Variants in ZNF236 observed in about 807,000 individuals in gnomAD.
ZNF236 encodes regulated by glucose.
In ZNF236, 50 loss-of-function variants were observed where a neutral mutation model predicts 191.2. The ratio of observed to expected loss-of-function variants is 0.26; its 90% CI spans 0.21 to 0.33. The LOEUF (loss-of-function observed/expected upper bound fraction) is 0.33, where lower values mean the gene tolerates loss of function less well. Ranked by LOEUF, ZNF236 falls within the 10% of genes least tolerant of loss-of-function variation. The pLI, the probability that ZNF236 is intolerant of heterozygous loss-of-function variation, is 1.00. For synonymous variants in ZNF236, 907 were observed against 928.8 expected (o/e 0.98, Z 0.43); for missense variants, 1,754 against 2,374.5 (o/e 0.74, Z 5.43).
intron 9 of ZNF236, among the ~76,000 whole-genome samples, chr18:76,882,919 G>A (rs973372784): frequency 1.3e-5 from 2 of 152,334 alleles, no homozygotes; most frequent in Admixed American, 1.3e-4. Context: ...TATTACCTCT[G>A]TGCGAGTGCC....
intron 19 of ZNF236, among the ~76,000 whole-genome samples, chr18:76,918,210 A>G (rs1188420942): frequency 6.6e-6 from 1 of 151,736 alleles, no homozygotes; most frequent in Non-Finnish European, 1.5e-5. Flanking sequence ...ATGCGTCCTT[A>G]TTTTTCATTT....
intron 28 of ZNF236, among the ~76,000 whole-genome samples, chr18:76,958,611 AC>A (rs1968583203): frequency 6.6e-6 from 1 of 152,200 alleles, no homozygotes; most frequent in South Asian, 2.1e-4. Flanking sequence ...GACCGCAGTT[AC>A]ATCCAACACA....
chr18:76,864,499 C>T (rs1438588540), intron 3 of ZNF236, among the ~76,000 whole-genome samples: 1 of 152,028 alleles, frequency 6.6e-6, no homozygotes, highest in Non-Finnish European at 1.5e-5. Context: ...CGCACCTGGC[C>T]AACAAATATT....
At position 76,875,770 on chromosome 18, in the gene ZNF236, A is replaced by T; in HGVS notation, c.840+106A>T. ...TTCTTTTCCATTTAAAAAAATGCAG[A>T]TTGATTTTGTGCCGAGCAGACCCTG... On this transcript the variant is annotated intron_variant, in intron 6 of 30. Transcript: ENST00000320610. This position sits in a 1 kb window ranked among gnomAD's most constrained non-coding sequence, Gnocchi z 4.3. 8.1e-7 allele frequency: 1 copy of T among 1,231,034 alleles called. No homozygotes were observed. The highest frequency in any genetic ancestry group is 1.0e-6 in the Non-Finnish European group (1 of 954,266). 76.3% of individuals were successfully genotyped at this position (1,231,034 alleles called of 1,614,324 possible). A position where few individuals can be genotyped will look rare whatever the true frequency, so the allele number is the denominator to read the frequency against.
At chr18:76,876,927 A>G (rs924667357) in intron 6 of ZNF236, among the ~76,000 whole-genome samples, 4 of 152,186 alleles carry the variant, frequency 2.6e-5, no homozygotes, top group Non-Finnish European at 1.5e-5. Context: ...TCGGACCTGC[A>G]CTAGAATGGG....
At chr18:76,908,838 C>T (rs914599301) in intron 14 of ZNF236, among the ~76,000 whole-genome samples, 3 of 152,014 alleles carry the variant, frequency 2.0e-5, no homozygotes, top group Admixed American at 6.6e-5. Flanking sequence ...AGGAAATATT[C>T]GAAATCTTGT....
rs779433218 is a variant in ZNF236, at chr18:76,919,229, G to A, written c.3275-547G>A. Among the ~76,000 whole-genome samples the A allele has an allele frequency of 6.6e-5, 10 of 152,088 alleles. No individual in the cohort carries two copies. The highest frequency in any genetic ancestry group is 9.7e-5 in the African/African-American group (4 of 41,410). Reference sequence around the variant, plus strand: ...GTAGAAGCAGGTCTTTAATCTGAGCGTCTTCCTAATGTTGGTCATCACTCT... The same window carrying A: ...GTAGAAGCAGGTCTTTAATCTGAGCATCTTCCTAATGTTGGTCATCACTCT... On this transcript the variant is annotated intron_variant, in intron 19 of 30. Transcript: ENST00000320610. The surrounding 1 kb of genome is among the most constrained non-coding windows in gnomAD (Gnocchi z 5.3).
Position 76,960,087 on chromosome 18 carries a change from C to T in ZNF236, c.5242+271C>T, listed in dbSNP as rs193089789. ...CGTGTCTGGGATGTTGACCATGTCA[C>T]GTCCCTCCTTCCCTTCTGCTGGAGC... On this transcript the variant is annotated intron_variant, in intron 29 of 30. Coordinates refer to ENST00000320610, the MANE Select transcript of ZNF236 (RefSeq NM_001306089.2). The surrounding 1 kb of genome is among the most constrained non-coding windows in gnomAD (Gnocchi z 4.4). 3.4e-3 allele frequency among the ~76,000 whole-genome samples: 519 copies of T among 152,308 alleles called. 1 individual carries two copies. Among genetic ancestry groups the T allele is most frequent in the Admixed American group, 7.1e-3 (109 of 15,306 alleles).
intron 1 of ZNF236, among the ~76,000 whole-genome samples, chr18:76,836,968 C>T (rs1975348242): frequency 6.6e-6 from 1 of 152,000 alleles, no homozygotes; most frequent in African/African-American, 2.4e-5. Flanking sequence ...CTTTGACTTC[C>T]AGGTTCAAGC....
intron 17 of ZNF236, 59 bp downstream of exon 17, chr18:76,912,406 G>A (rs1356541574): frequency 2.3e-6 from 3 of 1,310,370 alleles, no homozygotes; most frequent in Non-Finnish European, 3.3e-6. Flanking sequence ...GGATGCTGCT[G>A]TGTGTTTGCC....
intron 25 of ZNF236, among the ~76,000 whole-genome samples, chr18:76,935,332 G>A (rs1967962834): frequency 6.6e-6 from 1 of 152,202 alleles, no homozygotes; most frequent in Admixed American, 6.5e-5. Flanking sequence ...GTTGAAATAC[G>A]AAATTTGGCC....
rs1968881742 is a variant in ZNF236 at position 76,969,970 on chromosome 18, T to G, written c.*1631T>G. 6.6e-6 allele frequency: 1 copy of G among 152,652 alleles called. No individual in the cohort carries two copies. The highest frequency in any genetic ancestry group is 2.1e-4 in the South Asian group (1 of 4,836). 9.5% of individuals were successfully genotyped at this position (152,652 alleles called of 1,614,324 possible). A position where few individuals can be genotyped will look rare whatever the true frequency, so the allele number is the denominator to read the frequency against. ...AAGAAAAAGAAAAGCCTTATTTGAC[T>G]TATGCTTGTGATACTGGACTTCTTA... is the stretch of plus-strand genomic sequence containing the variant. On this transcript the variant is annotated 3_prime_UTR_variant, in exon 31 of 31. Coordinates refer to ENST00000320610, the MANE Select transcript of ZNF236 (RefSeq NM_001306089.2).
chr18:76,867,541 T>G (rs1006019713), intron 3 of ZNF236, among the ~76,000 whole-genome samples: 10 of 152,124 alleles, frequency 6.6e-5, no homozygotes. Context: ...TAGGAAAAAA[T>G]CAATGTATTT....
In ZNF236 at chr18:76,968,500, A is replaced by G; in HGVS notation, c.*161A>G. 7.2e-7 allele frequency: 1 copy of G among 1,396,974 alleles called. No individual in the cohort carries two copies. The highest frequency in any genetic ancestry group is 9.2e-7 in the Non-Finnish European group (1 of 1,086,788). 86.5% of individuals were successfully genotyped at this position (1,396,974 alleles called of 1,614,324 possible). Reference sequence around the variant, plus strand: ...GAATCATTGTCTTTCAGAGACTCATAGGAAAAAAAAACTAGGAAAAGTGTC... The same window carrying G: ...GAATCATTGTCTTTCAGAGACTCATGGGAAAAAAAAACTAGGAAAAGTGTC... On this transcript the variant is annotated 3_prime_UTR_variant, in exon 31 of 31. Transcript: ENST00000320610.
chr18:76,903,207 T>C (rs1385306993), intron 11 of ZNF236, among the ~76,000 whole-genome samples: 1 of 152,214 alleles, frequency 6.6e-6, no homozygotes, highest in Non-Finnish European at 1.5e-5. Flanking sequence ...AGCTTTGTAA[T>C]TGTTTCACTG....
chr18:76,910,584 T>G, intron 15 of ZNF236, 76 bp from the exon 16 acceptor site: 3 of 1,446,816 alleles, frequency 2.1e-6, no homozygotes, highest in Non-Finnish European at 2.8e-6. Flanking sequence ...CATTTTAAAT[T>G]TATAAACCTT....
Position 76,851,792 on chromosome 18 carries a change from G to A in ZNF236, c.216G>A (p.Gln72=), listed in dbSNP as rs1417380280. ...CCAAATAGCCACATCGATGTGACCA[G>A]TGCCCCCAAACATTTAATGTTGAAT... is the stretch of plus-strand genomic sequence containing the variant. ...ERNDKPHRCD[Q]CPQTFNVEFN... The change falls in exon 3 of 31, where the codon CAG becomes CAA. Residue 72 remains glutamine (Q), a synonymous_variant. Transcript: ENST00000320610. 1 of 1,613,254 alleles carries A rather than the reference G, an allele frequency of 6.2e-7. No homozygotes were observed. The highest frequency in any genetic ancestry group is 1.1e-5 in the South Asian group (1 of 90,726).
At chr18:76,854,046 T>C (rs1481934283) in intron 3 of ZNF236, among the ~76,000 whole-genome samples, 1 of 151,362 alleles carries the variant, frequency 6.6e-6, no homozygotes, top group Non-Finnish European at 1.5e-5. Flanking sequence ...AAAAGAAAAT[T>C]GCTGTGAGAG....
At chr18:76,967,395 G>A (rs147686925) in intron 30 of ZNF236, among the ~76,000 whole-genome samples, 30 of 630 alleles carry the variant, frequency 0.048, no homozygotes, top group Middle Eastern at 0.5. Flanking sequence ...TTTGTGATTT[G>A]GTTGTTGGAG....
Sources: allele counts gnomAD v4.1 joint callset (sites outside exome capture counted in the v4.1 genomes callset), GRCh38; gene constraint gnomAD v4.1.1; non-coding constraint Gnocchi (gnomAD v3.1); transcripts MANE v1.5; gene names NCBI Gene and HGNC (gene_info 2026-07-23, HGNC 2026-07-21).